ZNF438: variants seen among roughly 807,000 people sequenced by gnomAD.
The protein encoded by ZNF438 is zinc finger protein 438.
Under a neutral mutation model 38.0 loss-of-function variants are expected in ZNF438, and 25 were observed. That is an observed-to-expected ratio of 0.66 (90% CI 0.48 to 0.92). The LOEUF (loss-of-function observed/expected upper bound fraction) is 0.92. Ranked by LOEUF, ZNF438 falls within the 40% of genes least tolerant of loss-of-function variation. The pLI is 0.00. For synonymous variants in ZNF438, 372 were observed against 364.1 expected (o/e 1.02, Z -0.25); for missense variants, 1,007 against 999.6 (o/e 1.01, Z -0.10).
intron 1 of ZNF438, among the ~76,000 whole-genome samples, chr10:30,984,737 T>C (rs1296684108): frequency 1.3e-5 from 2 of 152,226 alleles, no homozygotes; most frequent in East Asian, 3.8e-4. Context: ...CATAATACTG[T>C]GGAAATTAGT....
At chr10:30,863,187 C>T (rs1179178209) in intron 4 of ZNF438, among the ~76,000 whole-genome samples, 2 of 152,224 alleles carry the variant, frequency 1.3e-5, no homozygotes, top group Non-Finnish European at 2.9e-5. Flanking sequence ...TATTCCCTAA[C>T]ATTTCTGCTG....
At chr10:30,994,300 G>A (rs189612801) in intron 1 of ZNF438, among the ~76,000 whole-genome samples, 24 of 152,326 alleles carry the variant, frequency 1.6e-4, no homozygotes, top group Non-Finnish European at 2.9e-4. Flanking sequence ...TTCTCCAAAG[G>A]TTCACCGTAT....
chr10:30,998,020 G>A lies in ZNF438; in HGVS notation c.-192+33813C>T, dbSNP rs114788907. Among the ~76,000 whole-genome samples, 607 of 152,262 alleles carry A rather than the reference G, an allele frequency of 4.0e-3. 4 individuals carry two copies. Among genetic ancestry groups the A allele is most frequent in the African/African-American group, 0.013 (549 of 41,554 alleles). Reference sequence around the variant, plus strand: ...ACAATAAAATGCAGTTATTACATACGATACTTTCAGTTGGGTCTCTGTCAC... The same window carrying A: ...ACAATAAAATGCAGTTATTACATACAATACTTTCAGTTGGGTCTCTGTCAC... On this transcript the variant is annotated intron_variant, in intron 1 of 5. Transcript: ENST00000413025.
At chr10:30,868,219 G>A (rs953199128) in intron 4 of ZNF438, among the ~76,000 whole-genome samples, 6 of 151,486 alleles carry the variant, frequency 4.0e-5, no homozygotes, top group Non-Finnish European at 4.4e-5. Context: ...ACAGGTGCCC[G>A]CCACCCCACC....
At chr10:30,957,656 G>A (rs1354507973) in intron 1 of ZNF438, among the ~76,000 whole-genome samples, 1 of 152,108 alleles carries the variant, frequency 6.6e-6, no homozygotes, top group Non-Finnish European at 1.5e-5. Flanking sequence ...TCAATCAGCT[G>A]GCTGTAAATA....
At chr10:30,966,180 A>G (rs1452661624) in intron 1 of ZNF438, among the ~76,000 whole-genome samples, 1 of 152,096 alleles carries the variant, frequency 6.6e-6, no homozygotes, top group African/African-American at 2.4e-5. Flanking sequence ...AAATGAAAAA[A>G]TAAGTAGGGC....
intron 2 of ZNF438, among the ~76,000 whole-genome samples, chr10:30,927,067 G>A (rs2045029140): frequency 6.6e-6 from 1 of 152,190 alleles, no homozygotes; most frequent in Non-Finnish European, 1.5e-5. Context: ...TCTAAACTGG[G>A]GTAGTTTTGA....
rs2049472126 is a variant in ZNF438 at position 30,961,379 on chromosome 10, A to C, written c.-191-19728T>G. ...GGCATGATCATAGCGCACTATAGCCATGAACTCCTGGGCTCAGGCGATCCT... is the reference window on the plus strand; with the variant it reads ...GGCATGATCATAGCGCACTATAGCCCTGAACTCCTGGGCTCAGGCGATCCT... On this transcript the variant is annotated intron_variant, in intron 1 of 5. Transcript: ENST00000413025. Among the ~76,000 whole-genome samples, 3 of 146,470 alleles carry C rather than the reference A, an allele frequency of 2.0e-5. No individual in the cohort carries two copies. The Admixed American group carries it at 2.1e-4, about 10-fold the overall frequency.
intron 2 of ZNF438, among the ~76,000 whole-genome samples, chr10:30,914,712 A>G (rs1486407799): frequency 6.6e-6 from 1 of 152,078 alleles, no homozygotes; most frequent in Non-Finnish European, 1.5e-5. Flanking sequence ...ATTTTTTAAA[A>G]GGAGGCTTCC....
At chr10:31,022,518 C>A (rs1393638106) in intron 1 of ZNF438, among the ~76,000 whole-genome samples, 1 of 152,182 alleles carries the variant, frequency 6.6e-6, no homozygotes, top group African/African-American at 2.4e-5. Flanking sequence ...ACCTCGGCCT[C>A]CCAAAGTGCT....
rs114233738 is a variant in ZNF438, at chr10:30,995,072, A to T, written c.-192+36761T>A. ...AAAAAAAATGAATGAAAAAGAACAA[A>T]AAATAAATAAATAATGGTTGAAATC... On this transcript the variant is annotated intron_variant, in intron 1 of 5. Transcript: ENST00000413025. Among the ~76,000 whole-genome samples the T allele has an allele frequency of 4.9e-3, 741 of 152,206 alleles. 10 individuals are homozygous for T. Among genetic ancestry groups the T allele is most frequent in the African/African-American group, 0.017 (691 of 41,530 alleles).
At chr10:30,925,431 A>G (rs1426994332) in intron 2 of ZNF438, among the ~76,000 whole-genome samples, 1 of 152,254 alleles carries the variant, frequency 6.6e-6, no homozygotes, top group Non-Finnish European at 1.5e-5. Context: ...GTTTATCCAG[A>G]AAGTATAAAA....
At chr10:31,007,450 T>C (rs1030129747) in intron 1 of ZNF438, among the ~76,000 whole-genome samples, 2 of 151,980 alleles carry the variant, frequency 1.3e-5, no homozygotes, top group African/African-American at 2.4e-5. Context: ...CCCTGCTAAT[T>C]TTTGTATTTT....
intron 2 of ZNF438, among the ~76,000 whole-genome samples, chr10:30,938,156 C>A (rs1238785786): frequency 2.0e-5 from 3 of 152,172 alleles, no homozygotes; most frequent in Admixed American, 6.5e-5. Flanking sequence ...CTGCCCCGCA[C>A]CCCCATTGTT....
In ZNF438 at chr10:30,850,098, C is replaced by T. The variant is rs763648396; in HGVS notation, c.307G>A (p.Ala103Thr). 8.7e-6 allele frequency: 14 copies of T among 1,613,980 alleles called. No homozygotes were observed. The highest frequency in any genetic ancestry group is 1.1e-5 in the Non-Finnish European group (13 of 1,180,012). The stretch of plus-strand genomic sequence containing the variant: ...ATTCTGGGTTTCTGAATTGGCTGAG[C>T]TGAGGCAACATGTGGCAGAGCAACA... Residue 103 changes from alanine (A) to threonine (T), a missense_variant, in exon 5 of 6, where the codon GCT becomes ACT. Coordinates refer to ENST00000413025, the Ensembl canonical transcript of ZNF438.
In ZNF438 at chr10:31,006,844, A is replaced by G. The variant is rs527608588; in HGVS notation, c.-192+24989T>C. ...TGTGTTGATTGCTGTTGGCTAATAG[A>G]AAAAAAAAAACCATTTTGAGTGTGT... is the stretch of plus-strand genomic sequence containing the variant. On this transcript the variant is annotated intron_variant, in intron 1 of 5. Coordinates refer to ENST00000413025, the Ensembl canonical transcript of ZNF438. Among the ~76,000 whole-genome samples, 122 of 119,370 alleles carry G rather than the reference A, an allele frequency of 1.0e-3. 1 individual carries two copies. The highest frequency in any genetic ancestry group is 3.4e-3 in the African/African-American group (114 of 33,428). The allele number at this position is 119,370 out of a possible 152,430, so 78.3% of individuals were successfully genotyped here. A position where few individuals can be genotyped will look rare whatever the true frequency, so the allele number is the denominator to read the frequency against.
intron 3 of ZNF438, among the ~76,000 whole-genome samples, chr10:30,878,078 T>C (rs1236717583): frequency 6.6e-6 from 1 of 152,180 alleles, no homozygotes; most frequent in African/African-American, 2.4e-5. Flanking sequence ...AGAGAAATTC[T>C]AGGCAGACAG....
At chr10:30,845,599 T>A (rs771452039) in intron 5 of ZNF438, 26 bp from the exon 7 acceptor site, 3 of 1,582,208 alleles carry the variant, frequency 1.9e-6, no homozygotes, top group South Asian at 2.3e-5. Context: ...ATAATGAAGA[T>A]AAGATTTCAT....
At chr10:30,879,963 A>C (rs55846128) in intron 3 of ZNF438, among the ~76,000 whole-genome samples, 20,983 of 152,098 alleles carry the variant, frequency 0.14, 1,670 homozygotes, top group Non-Finnish European at 0.19. Flanking sequence ...CACAGATCCA[A>C]ACATCTCAAA....
Sources: allele counts gnomAD v4.1 joint callset (sites outside exome capture counted in the v4.1 genomes callset), GRCh38; gene constraint gnomAD v4.1.1; transcripts MANE v1.5; gene names NCBI Gene and HGNC (gene_info 2026-07-23, HGNC 2026-07-21).